Variants in BMPR1B observed in about 807,000 individuals in gnomAD.
BMPR1B encodes bone morphogenetic protein receptor type 1B, also known as bone morphogenetic protein receptor type-1B.
Under a neutral mutation model 59.1 loss-of-function variants are expected in BMPR1B, and 12 were observed. That is an observed-to-expected ratio of 0.20 (90% confidence interval 0.13 to 0.33). The LOEUF is 0.33. Among genes scored for constraint, BMPR1B ranks in the 10% least tolerant of loss-of-function variants. BMPR1B has a pLI of 1.00. For missense variants in BMPR1B, 550 were observed against 610.9 expected (o/e 0.90, Z 1.05); for synonymous variants, 237 against 207.3 (o/e 1.14, Z -1.23).
At chr4:95,045,512 A>G (rs1331581312) in intron 3 of BMPR1B, among the ~76,000 whole-genome samples, 1 of 152,126 alleles carries the variant, frequency 6.6e-6, no homozygotes, top group Non-Finnish European at 1.5e-5. Context: ...CTCTGCAAGC[A>G]CTACTTTTTT....
At chr4:94,974,502 T>C (rs954426520) in intron 2 of BMPR1B, among the ~76,000 whole-genome samples, 2 of 152,190 alleles carry the variant, frequency 1.3e-5, no homozygotes, top group Admixed American at 6.5e-5. Flanking sequence ...CAGGCTGACT[T>C]ACCTGTTGTC....
At position 95,125,081 on chromosome 4, in the gene BMPR1B, A is replaced by C; in HGVS notation, c.545A>C (p.Gln182Pro). The change falls in exon 8 of 13, where the codon CAG becomes CCG. Residue 182 changes from glutamine to proline, a missense_variant. Gln to Pro is a moderately conservative substitution (Grantham distance 76). Transcript: ENST00000515059. ...PGESLRDLIE[Q>P]SQSSGSGSGL... ...GAATCCCTGAGAGACTTAATTGAGC[A>C]GTCTCAGAGCTCAGGAAGTGGATCA... 6.2e-7 allele frequency: 1 copy of C among 1,613,892 alleles called. No individual in the cohort carries two copies. The highest frequency in any genetic ancestry group is 8.5e-7 in the Non-Finnish European group (1 of 1,179,832).
intron 10 of BMPR1B, among the ~76,000 whole-genome samples, chr4:95,138,823 G>C (rs1229476268): frequency 6.6e-6 from 1 of 152,036 alleles, no homozygotes. Flanking sequence ...CTTTTTTCAA[G>C]GTTTTTAGCT....
In BMPR1B at chr4:95,051,975, A is replaced by C. The variant is rs1578995358; in HGVS notation, c.-17-52433A>C. 2.6e-5 allele frequency among the ~76,000 whole-genome samples: 4 copies of C among 152,350 alleles called. No homozygotes were observed. In the South Asian group the frequency reaches 8.3e-4, roughly 32 times the overall value. On this transcript the variant is annotated intron_variant, in intron 3 of 12. Coordinates refer to ENST00000515059, the MANE Select transcript of BMPR1B (RefSeq NM_001203.3). Reference sequence around the variant, plus strand: ...TAAGTACTCTGTTAGAATAATTTTAAAGAGACTTAACATTTCTATTTTCTC... The same window carrying C: ...TAAGTACTCTGTTAGAATAATTTTACAGAGACTTAACATTTCTATTTTCTC...
chr4:95,152,823 T>C, intron 12 of BMPR1B, 50 bp downstream of exon 12: 2 of 1,596,360 alleles, frequency 1.3e-6, no homozygotes, highest in Non-Finnish European at 1.7e-6. Flanking sequence ...AAATAGACTT[T>C]TCTTTTTTAG....
chr4:94,845,173 A>G (rs943365508), intron 1 of BMPR1B, among the ~76,000 whole-genome samples: 4 of 152,116 alleles, frequency 2.6e-5, no homozygotes. Flanking sequence ...TTAATTATAT[A>G]ATTTAAAGAG....
intron 1 of BMPR1B, among the ~76,000 whole-genome samples, chr4:94,784,168 T>A (rs1578639036): frequency 6.6e-6 from 1 of 152,170 alleles, no homozygotes; most frequent in South Asian, 2.1e-4. Context: ...CTGGAGAGGG[T>A]AGGTCTGTGG....
intron 3 of BMPR1B, among the ~76,000 whole-genome samples, chr4:95,001,147 G>T (rs949265724): frequency 1.3e-5 from 2 of 152,020 alleles, no homozygotes; most frequent in Admixed American, 1.3e-4. Context: ...CAATCTGCAG[G>T]TTTGTTACAT....
intron 1 of BMPR1B, among the ~76,000 whole-genome samples, chr4:94,842,790 A>G (rs1041748556): frequency 6.6e-6 from 1 of 152,256 alleles, no homozygotes; most frequent in Non-Finnish European, 1.5e-5. Flanking sequence ...TAATTATAGG[A>G]TGAAAAATAG....
intron 2 of BMPR1B, among the ~76,000 whole-genome samples, chr4:94,987,493 C>G (rs931761795): frequency 6.6e-6 from 1 of 151,926 alleles, no homozygotes; most frequent in African/African-American, 2.4e-5. Context: ...TCAGTTTAAA[C>G]TTGGTAGACA....
intron 3 of BMPR1B, among the ~76,000 whole-genome samples, chr4:95,098,074 GA>G (rs1306565242): frequency 1.4e-4 from 21 of 151,882 alleles, no homozygotes; most frequent in African/African-American, 4.8e-4. Context: ...AGTATATTAG[GA>G]TACTAATATA....
intron 1 of BMPR1B, among the ~76,000 whole-genome samples, chr4:94,818,673 TCTA>T (rs1226770945): frequency 6.6e-6 from 1 of 152,214 alleles, no homozygotes; most frequent in African/African-American, 2.4e-5. Context: ...CAGCAAATAT[TCTA>T]CTATGAAGCG....
chr4:94,934,060 C>G (rs1449162038), intron 2 of BMPR1B, among the ~76,000 whole-genome samples: 1 of 152,110 alleles, frequency 6.6e-6, no homozygotes, highest in African/African-American at 2.4e-5. Flanking sequence ...AACTGATAGT[C>G]TCTTTCTCTG....
At chr4:95,113,867 C>G (rs1253302441) in intron 4 of BMPR1B, among the ~76,000 whole-genome samples, 2 of 152,118 alleles carry the variant, frequency 1.3e-5, no homozygotes, top group Non-Finnish European at 2.9e-5. Flanking sequence ...ATTTCCTCAT[C>G]TGTAAGATAG....
intron 3 of BMPR1B, among the ~76,000 whole-genome samples, chr4:95,023,140 A>G (rs1724111215): frequency 6.6e-6 from 1 of 152,180 alleles, no homozygotes; most frequent in Admixed American, 6.5e-5. Flanking sequence ...CTCAAAATGA[A>G]TATAACCCAA....
At chr4:94,879,594 C>A (rs1462491977) in intron 2 of BMPR1B, among the ~76,000 whole-genome samples, 1 of 152,088 alleles carries the variant, frequency 6.6e-6, no homozygotes, top group Non-Finnish European at 1.5e-5. Flanking sequence ...CAGAGCGAGA[C>A]CCTGTCTCAG....
At chr4:94,823,345 T>A (rs1724270351) in intron 1 of BMPR1B, among the ~76,000 whole-genome samples, 1 of 152,174 alleles carries the variant, frequency 6.6e-6, no homozygotes, top group African/African-American at 2.4e-5. Flanking sequence ...TGGTAGAAAG[T>A]TAGCTTGGTT....
At chr4:95,072,802 C>A (rs539500167) in intron 3 of BMPR1B, among the ~76,000 whole-genome samples, 37 of 152,130 alleles carry the variant, frequency 2.4e-4, no homozygotes, top group Admixed American at 2.2e-3. Context: ...AGAAGCAAAA[C>A]AAATTATTTC....
At chr4:95,045,843 T>TC (rs1401570412) in intron 3 of BMPR1B, among the ~76,000 whole-genome samples, 2 of 152,032 alleles carry the variant, frequency 1.3e-5, no homozygotes, top group Non-Finnish European at 2.9e-5. Flanking sequence ...GTAGACACGA[T>TC]CCCCCCAAAT....
Sources: allele counts gnomAD v4.1 joint callset (sites outside exome capture counted in the v4.1 genomes callset), GRCh38; gene constraint gnomAD v4.1.1; transcripts MANE v1.5; gene names NCBI Gene and HGNC (gene_info 2026-07-23, HGNC 2026-07-21).